The following CAMK1D variants were observed in gnomAD, a reference collection of about 807,000 sequenced individuals.
CAMK1D encodes calcium/calmodulin-dependent protein kinase type 1D.
CAMK1D carries 9 observed loss-of-function variants against 47.7 expected under a neutral mutation model. The ratio of observed to expected loss-of-function variants is 0.19; its 90% CI spans 0.11 to 0.33. The LOEUF is 0.33. CAMK1D is among the 10% of genes least tolerant of loss of function. CAMK1D has a pLI of 1.00. For missense variants in CAMK1D, 291 were observed against 488.7 expected (o/e 0.60, Z 3.81); for synonymous variants, 184 against 184.9 (o/e 0.99, Z 0.04).
At chr10:12,724,356 G>T (rs961615563) in intron 3 of CAMK1D, among the ~76,000 whole-genome samples, 2 of 152,190 alleles carry the variant, frequency 1.3e-5, no homozygotes, top group African/African-American at 4.8e-5. Context: ...TGTGCATGGA[G>T]AAGGGACTCT....
chr10:12,590,711 T>C (rs1837971341), intron 2 of CAMK1D, among the ~76,000 whole-genome samples: 1 of 152,232 alleles, frequency 6.6e-6, no homozygotes, highest in African/African-American at 2.4e-5. Flanking sequence ...CTGCCGCCTG[T>C]AGAATAAAAG....
intron 1 of CAMK1D, among the ~76,000 whole-genome samples, chr10:12,439,645 A>G (rs1331045865): frequency 6.6e-6 from 1 of 152,194 alleles, no homozygotes; most frequent in Non-Finnish European, 1.5e-5. Flanking sequence ...TGAGAGAGGG[A>G]TCGAGGACTT....
At chr10:12,643,177 A>AT (rs1354124015) in intron 2 of CAMK1D, among the ~76,000 whole-genome samples, 1 of 152,074 alleles carries the variant, frequency 6.6e-6, no homozygotes, top group East Asian at 1.9e-4. Context: ...AATTTTTTGT[A>AT]TTTTTAGTAG....
At chr10:12,652,353 G>A (rs1839997461) in intron 2 of CAMK1D, among the ~76,000 whole-genome samples, 1 of 151,228 alleles carries the variant, frequency 6.6e-6, no homozygotes, top group Non-Finnish European at 1.5e-5. Context: ...AGGCAGAGAT[G>A]GGCGGATCAC....
chr10:12,418,366 A>G (rs568413519), intron 1 of CAMK1D, among the ~76,000 whole-genome samples: 1 of 152,294 alleles, frequency 6.6e-6, no homozygotes. Flanking sequence ...GCACTTTGGG[A>G]GGCTGAGATG....
intron 1 of CAMK1D, among the ~76,000 whole-genome samples, chr10:12,479,006 ACT>A (rs1320635790): frequency 6.6e-6 from 1 of 151,398 alleles, no homozygotes; most frequent in African/African-American, 2.4e-5. Flanking sequence ...CGCCCAATTA[ACT>A]CTTTTTTTAT....
At chr10:12,626,681 G>T (rs1020523827) in intron 2 of CAMK1D, among the ~76,000 whole-genome samples, 3 of 152,060 alleles carry the variant, frequency 2.0e-5, no homozygotes, top group Admixed American at 6.6e-5. Flanking sequence ...CACCATGTTG[G>T]CCAGGCTGGC....
chr10:12,740,554 T>C (rs1468694061), intron 3 of CAMK1D, among the ~76,000 whole-genome samples: 5 of 152,058 alleles, frequency 3.3e-5, no homozygotes, highest in Non-Finnish European at 7.4e-5. Context: ...ACTGAGATCA[T>C]GCCACTGCGC....
intron 2 of CAMK1D, among the ~76,000 whole-genome samples, chr10:12,605,282 C>T (rs1341488018): frequency 1.3e-5 from 2 of 151,318 alleles, no homozygotes; most frequent in Non-Finnish European, 2.9e-5. Flanking sequence ...AGGGCACCTC[C>T]CTGTGAACCA....
intron 3 of CAMK1D, among the ~76,000 whole-genome samples, chr10:12,693,641 A>T (rs888694757): frequency 5.9e-5 from 9 of 151,368 alleles, no homozygotes; most frequent in African/African-American, 2.2e-4. Context: ...CCCCCTAAAA[A>T]AGAAACTCTG....
At chr10:12,574,173 G>A (rs1837417484) in intron 2 of CAMK1D, among the ~76,000 whole-genome samples, 3 of 152,288 alleles carry the variant, frequency 2.0e-5, no homozygotes, top group East Asian at 1.9e-4. Context: ...CCCCATGACT[G>A]TTCTGAAACA....
At chr10:12,496,786 T>C (rs1287411113) in intron 1 of CAMK1D, among the ~76,000 whole-genome samples, 15 of 152,216 alleles carry the variant, frequency 9.9e-5, no homozygotes, top group Non-Finnish European at 1.8e-4. Context: ...GTTTGTTACA[T>C]AGGGAAACGT....
chr10:12,827,484 T>TC (rs1269406665), intron 10 of CAMK1D, among the ~76,000 whole-genome samples: 9 of 8,174 alleles, frequency 1.1e-3, no homozygotes, highest in Middle Eastern at 0.071. Context: ...CTTTCTTTCT[T>TC]TCTTTCTTTC....
intron 5 of CAMK1D, among the ~76,000 whole-genome samples, chr10:12,790,719 A>C (rs1214857670): frequency 6.6e-6 from 1 of 152,048 alleles, no homozygotes; most frequent in Non-Finnish European, 1.5e-5. Context: ...TGTTGAGTGC[A>C]GTGACTCATA....
Position 12,611,905 on chromosome 10 carries a change from C to T in CAMK1D, c.225-54831C>T, listed in dbSNP as rs564171874. The stretch of plus-strand genomic sequence containing the variant: ...ACCGCGCCCAGCCCAGAATGTCATT[C>T]GAGTTTTCTTTTTGCCCCAGGTTAT... On this transcript the variant is annotated intron_variant, in intron 2 of 10. Coordinates refer to ENST00000619168, the MANE Select transcript of CAMK1D (RefSeq NM_153498.4). Among the ~76,000 whole-genome samples the T allele has an allele frequency of 6.3e-4, 96 of 152,210 alleles. 1 individual carries two copies. The highest frequency in any genetic ancestry group is 2.0e-3 in the Admixed American group (30 of 15,268).
intron 3 of CAMK1D, among the ~76,000 whole-genome samples, chr10:12,687,263 T>C (rs1832703169): frequency 6.6e-6 from 1 of 151,326 alleles, no homozygotes. Context: ...GATTTATTGA[T>C]ACTATGCTCA....
intron 2 of CAMK1D, among the ~76,000 whole-genome samples, chr10:12,596,137 A>C (rs1490358676): frequency 6.6e-6 from 1 of 152,130 alleles, no homozygotes; most frequent in African/African-American, 2.4e-5. Flanking sequence ...GGAAGTGAGG[A>C]GAGTGTGGGC....
At chr10:12,663,656 C>T (rs149420495) in intron 2 of CAMK1D, among the ~76,000 whole-genome samples, 5 of 152,196 alleles carry the variant, frequency 3.3e-5, no homozygotes, top group African/African-American at 1.2e-4. Context: ...AGGACTGTGC[C>T]TGATACATGG....
At chr10:12,364,849 C>T (rs990082657) in intron 1 of CAMK1D, among the ~76,000 whole-genome samples, 8 of 152,036 alleles carry the variant, frequency 5.3e-5, no homozygotes, top group African/African-American at 1.9e-4. Flanking sequence ...TTTTAGGAGT[C>T]GCTGGAAGGT....
Sources: gnomAD v4.1 joint callset for allele counts (sites outside exome capture counted in the v4.1 genomes callset) on GRCh38, gnomAD v4.1.1 for gene constraint, MANE v1.5 for transcripts, NCBI Gene and HGNC (gene_info 2026-07-23, HGNC 2026-07-21) for gene names.